Variants in CNTNAP5 observed in about 807,000 individuals in gnomAD.
The protein encoded by CNTNAP5 is contactin associated protein family member 5, also known as contactin-associated protein-like 5.
Under a neutral mutation model 150.2 loss-of-function variants are expected in CNTNAP5, and 72 were observed. The observed-to-expected ratio is 0.48, with a 90% confidence interval of 0.40 to 0.58. The LOEUF (loss-of-function observed/expected upper bound fraction) is 0.58, where lower values mean the gene tolerates loss of function less well. Among genes scored for constraint, CNTNAP5 ranks in the 20% least tolerant of loss-of-function variants. CNTNAP5 has a pLI of 0.00. For synonymous variants in CNTNAP5, 672 were observed against 619.8 expected (o/e 1.08, Z -1.25); for missense variants, 1,636 against 1,626.2 (o/e 1.01, Z -0.10).
At chr2:124,337,386 C>T (rs909571501) in intron 3 of CNTNAP5, among the ~76,000 whole-genome samples, 2 of 152,160 alleles carry the variant, frequency 1.3e-5, no homozygotes, top group African/African-American at 4.8e-5. Flanking sequence ...AATTAGATCC[C>T]ATTTGTCAAT....
intron 19 of CNTNAP5, among the ~76,000 whole-genome samples, 198 bp from the exon 20 acceptor site, chr2:124,865,108 C>G (rs774677540): frequency 3.9e-5 from 6 of 152,032 alleles, no homozygotes; most frequent in Non-Finnish European, 5.9e-5. Context: ...CTCTCTCTCT[C>G]TGTCTCTCTA....
Position 124,804,952 on chromosome 2 carries a change from G to A in CNTNAP5, c.3217+6632G>A, listed in dbSNP as rs189634465. Among the ~76,000 whole-genome samples, 342 of 152,290 alleles carry A rather than the reference G, an allele frequency of 2.2e-3. 5 individuals carry two copies. The highest frequency in any genetic ancestry group is 1.6e-3 in the Non-Finnish European group (112 of 68,034). On this transcript the variant is annotated intron_variant, in intron 19 of 23. Transcript: ENST00000682447. ...ATCCTGGGGTTATCAGAGCATGAAT[G>A]TGAAGGCTAGAATTTGGGGAATTTG...
intron 6 of CNTNAP5, among the ~76,000 whole-genome samples, chr2:124,450,464 A>G (rs1260988526): frequency 6.6e-6 from 1 of 150,524 alleles, no homozygotes; most frequent in South Asian, 2.1e-4. Context: ...TAAAGCAACT[A>G]GCATGAACTT....
chr2:124,611,912 G>A (rs1278173078), intron 12 of CNTNAP5, among the ~76,000 whole-genome samples: 1 of 152,112 alleles, frequency 6.6e-6, no homozygotes, highest in Non-Finnish European at 1.5e-5. Flanking sequence ...AAAAATCAGA[G>A]GCAGACATTT....
intron 7 of CNTNAP5, among the ~76,000 whole-genome samples, chr2:124,496,705 G>A (rs548605443): frequency 1.4e-4 from 22 of 152,250 alleles, no homozygotes; most frequent in African/African-American, 2.4e-4. Context: ...CTGGAGTGGC[G>A]GGACAGCCAC....
chr2:124,134,408 C>G (rs913270141), intron 1 of CNTNAP5, among the ~76,000 whole-genome samples: 3 of 151,802 alleles, frequency 2.0e-5, no homozygotes, highest in Non-Finnish European at 4.4e-5. Flanking sequence ...TATTAACACA[C>G]CTGGGTTCCA....
chr2:124,195,568 T>C (rs1236752338), intron 1 of CNTNAP5, among the ~76,000 whole-genome samples: 2 of 152,142 alleles, frequency 1.3e-5, no homozygotes, highest in Admixed American at 1.3e-4. Context: ...CTACTGTAGT[T>C]TGTAGTTTGT....
intron 18 of CNTNAP5, among the ~76,000 whole-genome samples, chr2:124,793,145 T>C (rs1573621062): frequency 6.6e-6 from 1 of 152,230 alleles, no homozygotes; most frequent in Non-Finnish European, 1.5e-5. Flanking sequence ...TTTTACATTC[T>C]CACCGGCAGT....
intron 6 of CNTNAP5, among the ~76,000 whole-genome samples, chr2:124,465,826 TAGTA>T (rs1693364751): frequency 6.6e-6 from 1 of 152,140 alleles, no homozygotes; most frequent in African/African-American, 2.4e-5. Flanking sequence ...GTGAATTATA[TAGTA>T]AGTAAGAAGA....
At chr2:124,529,162 C>T (rs1308673428) in intron 10 of CNTNAP5, among the ~76,000 whole-genome samples, 2 of 150,852 alleles carry the variant, frequency 1.3e-5, no homozygotes, top group African/African-American at 4.9e-5. Context: ...TTATTGCAGG[C>T]GATGGTTGGC....
intron 13 of CNTNAP5, among the ~76,000 whole-genome samples, chr2:124,688,120 C>A (rs1573548504): frequency 6.6e-6 from 1 of 152,028 alleles, no homozygotes; most frequent in African/African-American, 2.4e-5. Context: ...TCCATAAATT[C>A]TCTACTGCAA....
chr2:124,067,046 G>T (rs2104659665), intron 1 of CNTNAP5, among the ~76,000 whole-genome samples: 2 of 152,276 alleles, frequency 1.3e-5, no homozygotes, highest in South Asian at 2.1e-4. Context: ...GTACCTAGAA[G>T]ACAGGAGCCT....
At chr2:124,567,850 T>TAGATAGATAGATAG (rs1558957524) in intron 11 of CNTNAP5, among the ~76,000 whole-genome samples, 2 of 116,832 alleles carry the variant, frequency 1.7e-5, no homozygotes, top group African/African-American at 6.0e-5. Flanking sequence ...GATAGATAGA[T>TAGATAGATAGATAG]AGATAGATAG....
intron 1 of CNTNAP5, among the ~76,000 whole-genome samples, chr2:124,215,289 T>A (rs1020564858): frequency 6.6e-6 from 1 of 152,170 alleles, no homozygotes; most frequent in African/African-American, 2.4e-5. Flanking sequence ...CAATTGAACT[T>A]CAGTACCATC....
intron 3 of CNTNAP5, among the ~76,000 whole-genome samples, chr2:124,273,176 T>G (rs2104615097): frequency 6.6e-6 from 1 of 152,378 alleles, no homozygotes; most frequent in South Asian, 2.1e-4. Flanking sequence ...GCATTGGTCC[T>G]GTATTCTTAG....
At chr2:124,675,836 T>C (rs1678928581) in intron 13 of CNTNAP5, among the ~76,000 whole-genome samples, 1 of 152,210 alleles carries the variant, frequency 6.6e-6, no homozygotes, top group Non-Finnish European at 1.5e-5. Context: ...TTTAAAGTCT[T>C]TGTCTAATTA....
chr2:124,842,473 T>G (rs548228029), intron 19 of CNTNAP5, among the ~76,000 whole-genome samples: 9 of 152,306 alleles, frequency 5.9e-5, no homozygotes, highest in African/African-American at 1.4e-4. Flanking sequence ...GGGCTGCCAT[T>G]CAGTGAAGCA....
intron 21 of CNTNAP5, among the ~76,000 whole-genome samples, chr2:124,899,277 A>G (rs748294351): frequency 2.6e-5 from 4 of 151,364 alleles, no homozygotes; most frequent in Non-Finnish European, 4.4e-5. Context: ...TATTATCCCT[A>G]TTTTATAGGG....
chr2:124,571,429 T>C (rs569854122), intron 11 of CNTNAP5, among the ~76,000 whole-genome samples: 1 of 151,620 alleles, frequency 6.6e-6, no homozygotes, highest in Non-Finnish European at 1.5e-5. Context: ...CTACGGAAAG[T>C]GTAACCTAGG....
Sources: gnomAD v4.1 joint callset for allele counts (sites outside exome capture counted in the v4.1 genomes callset) on GRCh38, gnomAD v4.1.1 for gene constraint, MANE v1.5 for transcripts, NCBI Gene and HGNC (gene_info 2026-07-23, HGNC 2026-07-21) for gene names.